PRPF39: variants seen among roughly 807,000 people sequenced by gnomAD.
PRPF39 encodes pre-mRNA-processing factor 39.
In PRPF39, 27 loss-of-function variants were observed where a neutral mutation model predicts 82.1. The ratio of observed to expected loss-of-function variants is 0.33; its 90% CI spans 0.24 to 0.45. The LOEUF is 0.45. PRPF39 is among the 20% of genes least tolerant of loss of function. PRPF39 has a pLI of 1.00. For synonymous variants in PRPF39, 261 were observed against 256.4 expected (o/e 1.02, Z -0.17); for missense variants, 581 against 796.9 (o/e 0.73, Z 3.26).
At chr14:45,091,600 G>A (rs1044266128) in intron 1 of PRPF39, among the ~76,000 whole-genome samples, 3 of 152,022 alleles carry the variant, frequency 2.0e-5, no homozygotes, top group African/African-American at 7.3e-5. Flanking sequence ...GGCTTTCTTA[G>A]TTTACGAAGA....
rs1465276416 is a variant in PRPF39, at chr14:45,089,637, T to C, written c.-20+5388T>C. 2.0e-5 allele frequency among the ~76,000 whole-genome samples: 3 copies of C among 152,208 alleles called. No individual in the cohort carries two copies. In the East Asian group the frequency reaches 5.8e-4, roughly 29 times the overall value. On this transcript the variant is annotated intron_variant, in intron 1 of 13. Coordinates refer to ENST00000355765, the MANE Select transcript of PRPF39 (RefSeq NM_017922.4). ...TATGTTGCCTGGGCTGGTCTGGAAC[T>C]CATGGGTGATCGGCCTACTTGGCCT...
At chr14:45,087,428 A>G (rs1883867351) in intron 1 of PRPF39, among the ~76,000 whole-genome samples, 1 of 151,946 alleles carries the variant, frequency 6.6e-6, no homozygotes, top group Non-Finnish European at 1.5e-5. Context: ...TTTGATGGAC[A>G]GATCTTAATT....
Position 45,110,285 on chromosome 14 carries a change from A to C in PRPF39, c.1303+65A>C. 6.3e-7 allele frequency: 1 copy of C among 1,588,280 alleles called. No individual in the cohort carries two copies. Among genetic ancestry groups the C allele is most frequent in the African/African-American group, 1.3e-5 (1 of 74,522 alleles). On this transcript the variant is annotated intron_variant, in intron 9 of 13. Coordinates refer to ENST00000355765, the MANE Select transcript of PRPF39 (RefSeq NM_017922.4). This position sits in a 1 kb window ranked among gnomAD's most constrained non-coding sequence, Gnocchi z 4.0. Reference sequence around the variant, plus strand: ...AAGTTATTTCAGGAAACAGTGACAAATTGAGTGGTAAGGGATGGTGTAAAG... The same window carrying C: ...AAGTTATTTCAGGAAACAGTGACAACTTGAGTGGTAAGGGATGGTGTAAAG...
intron 4 of PRPF39, among the ~76,000 whole-genome samples, chr14:45,099,451 A>AT (rs982218498): frequency 5.1e-4 from 73 of 142,472 alleles, no homozygotes; most frequent in South Asian, 8.8e-4. Flanking sequence ...GATTATTATT[A>AT]TTTTTTTTTT....
intron 1 of PRPF39, among the ~76,000 whole-genome samples, chr14:45,088,749 T>G (rs1368034743): frequency 2.0e-5 from 3 of 152,214 alleles, no homozygotes; most frequent in African/African-American, 7.2e-5. Flanking sequence ...ATGACATGCT[T>G]TCATTCATTC....
At position 45,102,554 on chromosome 14, in the gene PRPF39, G is replaced by T; in HGVS notation, c.595G>T (p.Ala199Ser). Residue 199 changes from alanine to serine, a missense_variant, in exon 5 of 14, where the codon GCA (alanine) becomes TCA (serine). By Grantham distance (99) the Ala-to-Ser change is moderately conservative. Transcript: ENST00000355765. ...AACTTTTGAGCATGCTGTTCTAGCT[G>T]CAGGAACAGATTTCCGTTCTGACAG... is the stretch of plus-strand genomic sequence containing the variant. ...RGTFEHAVLA[A>S]GTDFRSDRLW... 6.2e-7 allele frequency: 1 copy of T among 1,609,916 alleles called. No individual in the cohort carries two copies. The highest frequency in any genetic ancestry group is 8.5e-7 in the Non-Finnish European group (1 of 1,178,434).
At chr14:45,100,072 A>G (rs913243644) in intron 4 of PRPF39, among the ~76,000 whole-genome samples, 3 of 152,160 alleles carry the variant, frequency 2.0e-5, no homozygotes, top group Non-Finnish European at 4.4e-5. Context: ...TACTTAAAAT[A>G]CAAAAAAATT....
chr14:45,086,139 C>T (rs1883821288), intron 1 of PRPF39, among the ~76,000 whole-genome samples: 2 of 152,082 alleles, frequency 1.3e-5, no homozygotes, highest in African/African-American at 2.4e-5. Context: ...CGGGGTTTCA[C>T]CATGTTAGCC....
chr14:45,104,359 C>A (rs1372220089), intron 5 of PRPF39, among the ~76,000 whole-genome samples: 1 of 152,024 alleles, frequency 6.6e-6, no homozygotes, highest in Non-Finnish European at 1.5e-5. Context: ...CACAAGTAAT[C>A]TTTATGCAGT....
intron 1 of PRPF39, among the ~76,000 whole-genome samples, chr14:45,087,319 C>T (rs562000223): frequency 9.2e-5 from 14 of 152,144 alleles, no homozygotes; most frequent in African/African-American, 3.1e-4. Context: ...AGACTGGTCT[C>T]GAACTCCTGG....
chr14:45,088,814 T>A (rs1883925926), intron 1 of PRPF39, among the ~76,000 whole-genome samples: 1 of 152,240 alleles, frequency 6.6e-6, no homozygotes, highest in Non-Finnish European at 1.5e-5. Flanking sequence ...TACACAGTAG[T>A]TGAATTACAC....
intron 1 of PRPF39, among the ~76,000 whole-genome samples, chr14:45,086,452 T>C (rs1422910273): frequency 2.0e-5 from 3 of 152,246 alleles, no homozygotes; most frequent in Admixed American, 2.0e-4. Flanking sequence ...GCCTATCATA[T>C]GATTTTATAA....
intron 1 of PRPF39, among the ~76,000 whole-genome samples, chr14:45,087,485 G>A (rs1257970892): frequency 6.6e-6 from 1 of 152,098 alleles, no homozygotes; most frequent in Non-Finnish European, 1.5e-5. Context: ...ACCGAGGTAT[G>A]TTTGAATATT....
intron 1 of PRPF39, among the ~76,000 whole-genome samples, chr14:45,090,927 G>A (rs903175511): frequency 6.6e-6 from 1 of 151,854 alleles, no homozygotes; most frequent in African/African-American, 2.4e-5. Flanking sequence ...TCAAATTTTT[G>A]TGTATTCCCT....
chr14:45,096,494 T>C, intron 3 of PRPF39: 5 of 1,452,566 alleles, frequency 3.4e-6, no homozygotes, highest in Non-Finnish European at 4.6e-6. Flanking sequence ...GCTTAACAAG[T>C]AGGGCAGGGC....
At chr14:45,112,598 A>T in intron 11 of PRPF39, 96 bp downstream of exon 11, 1 of 1,180,206 alleles carries the variant, frequency 8.5e-7, no homozygotes, top group Non-Finnish European at 1.1e-6. Flanking sequence ...TACATTGTTA[A>T]ATTTTAAAAT....
At position 45,088,695 on chromosome 14, in the gene PRPF39, CTTA is replaced by C. The variant is rs574494803; in HGVS notation, c.-20+4451_-20+4453del. Among the ~76,000 whole-genome samples, 45 of 152,268 alleles carry C rather than the reference CTTA, an allele frequency of 3.0e-4. No individual in the cohort carries two copies. In the South Asian group the frequency reaches 8.5e-3, roughly 29 times the overall value. ...AATATTTGCTCAATAAATAGCATATCTTATTATCATTAATAGCTAGTAATTGAA... is the reference window on the plus strand; with the variant it reads ...AATATTTGCTCAATAAATAGCATATCTTATCATTAATAGCTAGTAATTGAA... On this transcript the variant is annotated intron_variant, in intron 1 of 13. Coordinates refer to ENST00000355765, the MANE Select transcript of PRPF39 (RefSeq NM_017922.4).
intron 2 of PRPF39, 79 bp from the exon 3 acceptor site, chr14:45,096,024 A>G: frequency 7.9e-7 from 1 of 1,263,660 alleles, no homozygotes; most frequent in East Asian, 2.6e-5. Flanking sequence ...TTTTTTAGAT[A>G]ATAACGTTTG....
Position 45,110,319 on chromosome 14 carries a change from G to C in PRPF39, c.1303+99G>C. Reference sequence around the variant, plus strand: ...TAAGGGATGGTGTAAAGCAGAGTTTGGCAAACTTTTTCTCTAAAGGGCCAG... The same window carrying C: ...TAAGGGATGGTGTAAAGCAGAGTTTCGCAAACTTTTTCTCTAAAGGGCCAG... On this transcript the variant is annotated intron_variant, in intron 9 of 13. Transcript: ENST00000355765. The surrounding 1 kb of genome is among the most constrained non-coding windows in gnomAD (Gnocchi z 4.0). 2.7e-6 allele frequency: 4 copies of C among 1,482,134 alleles called. No individual in the cohort carries two copies. In the South Asian group the frequency reaches 5.2e-5, roughly 19 times the overall value. The allele number at this position is 1,482,134 out of a possible 1,614,324, so 91.8% of individuals were successfully genotyped here. A position where few individuals can be genotyped will look rare whatever the true frequency, so the allele number is the denominator to read the frequency against.
Sources: gnomAD v4.1 joint callset for allele counts (sites outside exome capture counted in the v4.1 genomes callset) on GRCh38, gnomAD v4.1.1 for gene constraint, Gnocchi (gnomAD v3.1) non-coding constraint, MANE v1.5 for transcripts, NCBI Gene and HGNC (gene_info 2026-07-23, HGNC 2026-07-21) for gene names.